The following FAM107B variants were observed in gnomAD, a reference collection of about 807,000 sequenced individuals.
FAM107B encodes family with sequence similarity 107 member B.
In FAM107B, 21 loss-of-function variants were observed where a neutral mutation model predicts 31.5. The ratio of observed to expected loss-of-function variants is 0.67; its 90% CI spans 0.47 to 0.96. FAM107B has a LOEUF of 0.96. Ranked by LOEUF, FAM107B falls within the 40% of genes least tolerant of loss-of-function variation. The pLI is 0.00. For synonymous variants in FAM107B, 157 were observed against 141.5 expected, an observed-to-expected ratio of 1.11 and a Z score of -0.78; for missense variants, 452 against 377.1, an observed-to-expected ratio of 1.20 and a Z score of -1.64.
At chr10:14,719,940 G>A (rs1855871496) in intron 1 of FAM107B, among the ~76,000 whole-genome samples, 1 of 152,162 alleles carries the variant, frequency 6.6e-6, no homozygotes, top group African/African-American at 2.4e-5. Flanking sequence ...AAATGCCATG[G>A]TGTGGGCTCT....
chr10:14,635,614 C>G lies in FAM107B; in HGVS notation c.469+32020G>C, dbSNP rs552246776. ...AGGTTTCAAACCTCCCTGGTTGGAA[C>G]TTGGAATGTGTTTTTCTATTTTTTT... On this transcript the variant is annotated intron_variant, in intron 2 of 4. Transcript: ENST00000181796. 3.9e-5 allele frequency among the ~76,000 whole-genome samples: 6 copies of G among 152,102 alleles called. No individual in the cohort carries two copies. The South Asian group carries it at 1.0e-3, about 26-fold the overall frequency.
chr10:14,651,950 C>T (rs7080083), intron 2 of FAM107B, among the ~76,000 whole-genome samples: 128,628 of 152,082 alleles, frequency 0.85, 55,001 homozygotes, highest in Non-Finnish European at 0.9. Context: ...AAGATTCATA[C>T]AGAGGTGAAG....
chr10:14,663,240 G>T (rs578034557), intron 2 of FAM107B, among the ~76,000 whole-genome samples: 1 of 152,192 alleles, frequency 6.6e-6, no homozygotes, highest in Non-Finnish European at 1.5e-5. Context: ...GGTCTATTGT[G>T]GGACCTCACC....
At chr10:14,690,390 A>T (rs1855103211) in intron 1 of FAM107B, among the ~76,000 whole-genome samples, 1 of 152,104 alleles carries the variant, frequency 6.6e-6, no homozygotes, top group African/African-American at 2.4e-5. Context: ...TTTTGCCATT[A>T]CTAGTATCCC....
At chr10:14,743,213 T>C (rs1471650002) in intron 1 of FAM107B, among the ~76,000 whole-genome samples, 1 of 150,908 alleles carries the variant, frequency 6.6e-6, no homozygotes, top group Non-Finnish European at 1.5e-5. Flanking sequence ...ATTTTAATGG[T>C]TTTTTTCTTG....
chr10:14,572,795 T>C (rs909397973), intron 2 of FAM107B, among the ~76,000 whole-genome samples: 1 of 136,194 alleles, frequency 7.3e-6, no homozygotes, highest in Non-Finnish European at 1.6e-5. Context: ...TGTATAGGTG[T>C]ATGTAGATAT....
intron 2 of FAM107B, among the ~76,000 whole-genome samples, chr10:14,626,508 CT>C (rs34192094): frequency 1.8e-5 from 2 of 108,546 alleles, no homozygotes; most frequent in African/African-American, 6.6e-5. Context: ...TCTTTTTTTT[CT>C]TTTTTTTTTT....
At chr10:14,759,113 G>A (rs1419505398) in intron 1 of FAM107B, among the ~76,000 whole-genome samples, 2 of 151,310 alleles carry the variant, frequency 1.3e-5, no homozygotes, top group African/African-American at 4.9e-5. Flanking sequence ...GGAGGTGGAG[G>A]TTGCAGTGAG....
chr10:14,578,580 G>A (rs190928371), intron 2 of FAM107B, among the ~76,000 whole-genome samples: 30 of 152,302 alleles, frequency 2.0e-4, no homozygotes, highest in Middle Eastern at 3.4e-3. Flanking sequence ...TGTTTATAGA[G>A]TGAGTGATAG....
intron 1 of FAM107B, among the ~76,000 whole-genome samples, chr10:14,747,818 C>T (rs1431658408): frequency 2.0e-5 from 3 of 152,212 alleles, no homozygotes; most frequent in Admixed American, 6.5e-5. Context: ...ACTCTGGCTG[C>T]CCCTTGGTGG....
intron 3 of FAM107B, among the ~76,000 whole-genome samples, chr10:14,528,513 T>C (rs1054666019): frequency 2.3e-4 from 35 of 152,162 alleles, no homozygotes; most frequent in Non-Finnish European, 4.4e-4. Context: ...AATACTATTA[T>C]CTCCCACTTT....
At chr10:14,585,320 C>T (rs1851787234) in intron 2 of FAM107B, among the ~76,000 whole-genome samples, 1 of 152,208 alleles carries the variant, frequency 6.6e-6, no homozygotes, top group Non-Finnish European at 1.5e-5. Flanking sequence ...CCTCCACTCT[C>T]GCAAGCCCCA....
At chr10:14,572,314 T>C (rs1851286722) in intron 2 of FAM107B, 1 of 985,420 alleles carries the variant, frequency 1.0e-6, no homozygotes, top group Non-Finnish European at 1.2e-6. Context: ...TAAGCAAATA[T>C]GCACGCAGAC....
At chr10:14,726,475 G>A (rs1424719836) in intron 1 of FAM107B, among the ~76,000 whole-genome samples, 1 of 152,208 alleles carries the variant, frequency 6.6e-6, no homozygotes, top group Non-Finnish European at 1.5e-5. Context: ...ATAGCACAGT[G>A]CAGCATGGAG....
intron 2 of FAM107B, among the ~76,000 whole-genome samples, chr10:14,639,622 C>T (rs1192124898): frequency 6.6e-6 from 1 of 152,206 alleles, no homozygotes; most frequent in Non-Finnish European, 1.5e-5. Flanking sequence ...ACTTCCCTTA[C>T]ATTCCAATTC....
At chr10:14,604,114 A>ACCCCCCCCCCCCCCCGCCCC in intron 2 of FAM107B, 11 of 340,936 alleles carry the variant, frequency 3.2e-5, no homozygotes, top group Non-Finnish European at 3.5e-5. Context: ...GCGCACGGGG[A>ACCCCCCCCCCCCCCCGCCCC]CCCCCCACCC....
intron 2 of FAM107B, among the ~76,000 whole-genome samples, chr10:14,569,969 C>A (rs1315763935): frequency 1.3e-5 from 2 of 152,164 alleles, no homozygotes; most frequent in African/African-American, 4.8e-5. Flanking sequence ...GCAACTCAGT[C>A]GCTTTTCTAA....
intron 1 of FAM107B, among the ~76,000 whole-genome samples, chr10:14,682,894 A>G (rs1459713115): frequency 6.6e-6 from 1 of 151,850 alleles, no homozygotes; most frequent in African/African-American, 2.4e-5. Context: ...GTATAATAAT[A>G]AAAAAAAGAA....
chr10:14,694,683 A>G (rs1291915278), intron 1 of FAM107B, among the ~76,000 whole-genome samples: 1 of 151,878 alleles, frequency 6.6e-6, no homozygotes, highest in Non-Finnish European at 1.5e-5. Context: ...CGTGTTTTGA[A>G]TTTTTGATAA....
Sources: allele counts gnomAD v4.1 joint callset (sites outside exome capture counted in the v4.1 genomes callset), GRCh38; gene constraint gnomAD v4.1.1; transcripts MANE v1.5; gene names NCBI Gene and HGNC (gene_info 2026-07-23, HGNC 2026-07-21).